EPHA5: variants seen among roughly 807,000 people sequenced by gnomAD.
EPHA5 encodes the protein EPH receptor A5, also known as ephrin type-A receptor 5.
A neutral mutation model predicts 105.0 loss-of-function variants in EPHA5; 60 were observed. That is an observed-to-expected ratio of 0.57 (90% CI 0.46 to 0.71). The LOEUF is 0.71. Ranked by LOEUF, EPHA5 falls within the 30% of genes least tolerant of loss-of-function variation. The pLI, the probability that EPHA5 is intolerant of heterozygous loss-of-function variation, is 0.00. For missense variants in EPHA5, 1,218 were observed against 1,274.7 expected (o/e 0.96, Z 0.68); for synonymous variants, 513 against 449.1 (o/e 1.14, Z -1.80).
In EPHA5 at chr4:65,440,395, G is replaced by A. The variant is rs901748151; in HGVS notation, c.1403-19830C>T. Among the ~76,000 whole-genome samples, 3 of 151,708 alleles carry A rather than the reference G, an allele frequency of 2.0e-5. No homozygotes were observed. The East Asian group carries it at 5.8e-4, about 29-fold the overall frequency. On this transcript the variant is annotated intron_variant, in intron 5 of 16. Coordinates refer to ENST00000613740, the MANE Select transcript of EPHA5 (RefSeq NM_001281766.3). ...GAGATATGGATACATATTAAAGTTA[G>A]TATTATGTGTGCAAAAATTTAGTAA... is the stretch of plus-strand genomic sequence containing the variant.
chr4:65,443,664 A>C (rs1012284347), intron 5 of EPHA5, among the ~76,000 whole-genome samples: 1 of 152,128 alleles, frequency 6.6e-6, no homozygotes, highest in Non-Finnish European at 1.5e-5. Context: ...GGCAAAAAAC[A>C]ATTACTAGAG....
chr4:65,531,293 T>G (rs1578351717), intron 3 of EPHA5, among the ~76,000 whole-genome samples: 1 of 152,100 alleles, frequency 6.6e-6, no homozygotes, highest in East Asian at 1.9e-4. Context: ...CGCCTCGGCC[T>G]CCCAAAGTGC....
intron 8 of EPHA5, among the ~76,000 whole-genome samples, chr4:65,389,970 G>GA (rs539661427): frequency 9.8e-4 from 147 of 150,448 alleles, no homozygotes; most frequent in African/African-American, 3.1e-3. Context: ...TAGTAAGGGG[G>GA]AAAAAAAAAC....
intron 5 of EPHA5, among the ~76,000 whole-genome samples, chr4:65,424,216 A>AAACAATG (rs1462453021): frequency 1.3e-5 from 2 of 152,150 alleles, no homozygotes. Flanking sequence ...CCAATGACAC[A>AAACAATG]AACAATGATA....
At position 65,526,342 on chromosome 4, in the gene EPHA5, T is replaced by G. The variant is rs188491790; in HGVS notation, c.911-30799A>C. The stretch of plus-strand genomic sequence containing the variant: ...AAATAGTTCAAGGTCTAGAATCCTT[T>G]TATGCTGGCTATAATTAAATTGCAA... On this transcript the variant is annotated intron_variant, in intron 3 of 16. Coordinates refer to ENST00000613740, the MANE Select transcript of EPHA5 (RefSeq NM_001281766.3). Among the ~76,000 whole-genome samples the G allele has an allele frequency of 4.6e-5, 7 of 151,966 alleles. No individual in the cohort carries two copies. The East Asian group carries it at 1.4e-3, about 29-fold the overall frequency.
chr4:65,364,771 T>C (rs1037994810), intron 11 of EPHA5, among the ~76,000 whole-genome samples: 1 of 151,642 alleles, frequency 6.6e-6, no homozygotes, highest in Middle Eastern at 3.2e-3. Context: ...TTCTTTTATC[T>C]GGATACATTT....
intron 2 of EPHA5, among the ~76,000 whole-genome samples, chr4:65,640,566 G>A (rs1747573920): frequency 3.9e-5 from 6 of 152,108 alleles, no homozygotes. Context: ...GATTACAGGC[G>A]TGAGCCACTG....
intron 2 of EPHA5, among the ~76,000 whole-genome samples, chr4:65,605,341 T>A (rs1403292470): frequency 6.6e-6 from 1 of 152,166 alleles, no homozygotes; most frequent in Non-Finnish European, 1.5e-5. Flanking sequence ...ACCCAAGCCG[T>A]TAGGAACTAG....
intron 3 of EPHA5, among the ~76,000 whole-genome samples, chr4:65,551,014 G>T (rs893023100): frequency 6.6e-6 from 1 of 150,586 alleles, no homozygotes; most frequent in Non-Finnish European, 1.5e-5. Flanking sequence ...ATATATATAT[G>T]CATACATACA....
At chr4:65,560,065 T>G (rs1389386947) in intron 3 of EPHA5, among the ~76,000 whole-genome samples, 2 of 152,142 alleles carry the variant, frequency 1.3e-5, no homozygotes, top group African/African-American at 4.8e-5. Flanking sequence ...AAGCTTGATT[T>G]TTTATGACTG....
At chr4:65,359,888 G>T (rs1276065797) in intron 11 of EPHA5, among the ~76,000 whole-genome samples, 1 of 151,532 alleles carries the variant, frequency 6.6e-6, no homozygotes, top group Non-Finnish European at 1.5e-5. Context: ...TTAAGAGATG[G>T]TCTTTGCAGG....
chr4:65,420,935 A>G (rs76472955), intron 5 of EPHA5, among the ~76,000 whole-genome samples: 1 of 152,048 alleles, frequency 6.6e-6, no homozygotes, highest in Non-Finnish European at 1.5e-5. Flanking sequence ...TAATAGATAC[A>G]TGATTATATT....
At position 65,326,839 on chromosome 4, in the gene EPHA5, T is replaced by G. The variant is rs1022187318; in HGVS notation, c.2946-2620A>C. Among the ~76,000 whole-genome samples, 6 of 151,284 alleles carry G rather than the reference T, an allele frequency of 4.0e-5. No homozygotes were observed. The Admixed American group carries it at 4.0e-4, about 10-fold the overall frequency. On this transcript the variant is annotated intron_variant, in intron 16 of 16. Coordinates refer to ENST00000613740, the MANE Select transcript of EPHA5 (RefSeq NM_001281766.3). ...TTGCTATGTGAATTATTAGGAATTA[T>G]TAGGAATGAGCCTTTGAAAATAACC...
At chr4:65,551,252 A>ATG (rs1224308815) in intron 3 of EPHA5, among the ~76,000 whole-genome samples, 1,206 of 66,260 alleles carry the variant, frequency 0.018, 4 homozygotes, top group Non-Finnish European at 0.037. Context: ...ATATATTTAT[A>ATG]TATGTGTGTG....
At chr4:65,552,486 C>G (rs536185927) in intron 3 of EPHA5, among the ~76,000 whole-genome samples, 4 of 152,106 alleles carry the variant, frequency 2.6e-5, no homozygotes, top group Non-Finnish European at 4.4e-5. Flanking sequence ...GATTTTGCTA[C>G]GCTTGACTGA....
intron 3 of EPHA5, among the ~76,000 whole-genome samples, chr4:65,538,104 T>G (rs1221248354): frequency 6.6e-6 from 1 of 151,788 alleles, no homozygotes; most frequent in Non-Finnish European, 1.5e-5. Context: ...AGCTGGTCAT[T>G]TAGTTTCCTT....
chr4:65,487,628 C>A (rs775532149), intron 5 of EPHA5, among the ~76,000 whole-genome samples: 13 of 152,092 alleles, frequency 8.5e-5, no homozygotes, highest in Non-Finnish European at 1.9e-4. Flanking sequence ...GGTCTTGTAG[C>A]CCTCACCCGG....
rs1179160819 is a variant in EPHA5, at chr4:65,332,021, A to G, written c.2897T>C (p.Met966Thr). 33 of 1,611,728 alleles carry G rather than the reference A, an allele frequency of 2.0e-5. No individual in the cohort carries two copies. The highest frequency in any genetic ancestry group is 2.7e-5 in the Non-Finnish European group (32 of 1,178,632). The change falls in exon 16 of 17, where the codon ATG (methionine) becomes ACG (threonine). Residue 966 changes from methionine (M) to threonine (T), a missense_variant. By Grantham distance (81) the Met-to-Thr change is moderately conservative. Around this residue, in one of 3 missense-constraint regions of EPHA5, gnomAD observed 971 missense variants for 1,013.5 expected, o/e 0.96. Coordinates refer to ENST00000613740, the MANE Select transcript of EPHA5 (RefSeq NM_001281766.3). Reference sequence around the variant, plus strand: ...GTCCATTGAACTGTATCCATTTTCCATGAAAATCTCTGTATACCGGCCCAT... The same window carrying G: ...GTCCATTGAACTGTATCCATTTTCCGTGAAAATCTCTGTATACCGGCCCAT... ...IKMGRYTEIFMENGYSSMDAV... is the reference protein window; with the variant it reads ...IKMGRYTEIFTENGYSSMDAV...
At chr4:65,404,237 T>C (rs1722133642) in intron 8 of EPHA5, 137 bp downstream of exon 8, 1 of 639,396 alleles carries the variant, frequency 1.6e-6, no homozygotes, top group African/African-American at 1.8e-5. Context: ...GCTCAGGAAT[T>C]GCATCATGTA....
Sources: gnomAD v4.1 joint callset for allele counts (sites outside exome capture counted in the v4.1 genomes callset) on GRCh38, gnomAD v4.1.1 for gene constraint, gnomAD v4.1.1 regional missense constraint, MANE v1.5 for transcripts, NCBI Gene and HGNC (gene_info 2026-07-23, HGNC 2026-07-21) for gene names.